PCDH15: variants seen among roughly 807,000 people sequenced by gnomAD.
The protein encoded by PCDH15 is protocadherin related 15, also known as protocadherin-15.
In PCDH15, 129 loss-of-function variants were observed where a neutral mutation model predicts 178.5. That is an observed-to-expected ratio of 0.72 (90% CI 0.63 to 0.84). The LOEUF is 0.84. PCDH15 is among the 40% of genes least tolerant of loss of function. The pLI is 0.00. For synonymous variants in PCDH15, 800 were observed against 732.0 expected (o/e 1.09, Z -1.50); for missense variants, 2,230 against 2,099.9 (o/e 1.06, Z -1.21).
chr10:54,037,673 T>C (rs2093447899), intron 18 of PCDH15, among the ~76,000 whole-genome samples: 2 of 151,990 alleles, frequency 1.3e-5, no homozygotes, highest in African/African-American at 2.4e-5. Flanking sequence ...GCTGTATTAC[T>C]GTGGTCTGGA....
In PCDH15 at chr10:55,202,611, G is replaced by A. The variant is rs556812420; in HGVS notation, c.-155-35960C>T. 1.2e-4 allele frequency among the ~76,000 whole-genome samples: 18 copies of A among 152,224 alleles called. No individual in the cohort carries two copies. The South Asian group carries it at 3.7e-3, about 32-fold the overall frequency. ...AAAGAGACAAATGGACACTCTCCTT[G>A]TTTGCGTTCATTTCTTGTCCATGTC... On this transcript the variant is annotated intron_variant, in intron 1 of 5. Transcript: ENST00000458638.
chr10:53,905,180 G>A (rs745788360), intron 25 of PCDH15: 1 of 518,830 alleles, frequency 1.9e-6, no homozygotes, highest in Non-Finnish European at 3.8e-6. Flanking sequence ...ACTTAAGTCT[G>A]TTGTTGTCTC....
At chr10:54,391,047 C>T (rs1950493161) in intron 3 of PCDH15, among the ~76,000 whole-genome samples, 3 of 152,206 alleles carry the variant, frequency 2.0e-5, no homozygotes, top group African/African-American at 7.2e-5. Context: ...CTTCTGTTTC[C>T]CCATGTGCTC....
At chr10:55,465,939 G>A (rs1839822752) in intron 2 of PCDH15, among the ~76,000 whole-genome samples, 1 of 152,028 alleles carries the variant, frequency 6.6e-6, no homozygotes. Context: ...TTTCTGAGGG[G>A]AAAAAACTTG....
chr10:55,401,784 A>G (rs1006412302), intron 2 of PCDH15, among the ~76,000 whole-genome samples: 2 of 152,016 alleles, frequency 1.3e-5, no homozygotes, highest in Non-Finnish European at 1.5e-5. Flanking sequence ...ATTTAGACAA[A>G]ACATATTGAT....
At chr10:54,906,834 C>G (rs1484564093) in intron 2 of PCDH15, among the ~76,000 whole-genome samples, 3 of 152,096 alleles carry the variant, frequency 2.0e-5, no homozygotes, top group Non-Finnish European at 4.4e-5. Context: ...CAGTGTCTCC[C>G]TAGGAATTTC....
intron 2 of PCDH15, among the ~76,000 whole-genome samples, chr10:55,349,959 C>A (rs1307674572): frequency 6.6e-6 from 1 of 151,600 alleles, no homozygotes; most frequent in East Asian, 1.9e-4. Context: ...GTATAATAAT[C>A]CATTCCATGA....
At chr10:55,514,986 GA>G (rs1840976853) in intron 2 of PCDH15, among the ~76,000 whole-genome samples, 2 of 117,050 alleles carry the variant, frequency 1.7e-5, no homozygotes, top group Non-Finnish European at 3.6e-5. Context: ...TAGATAGATA[GA>G]TTTTTTTTTT....
At chr10:55,029,972 G>C (rs10825442) in intron 2 of PCDH15, among the ~76,000 whole-genome samples, 69,666 of 151,844 alleles carry the variant, frequency 0.46, 17,860 homozygotes, top group East Asian at 0.75. Context: ...ATTTCAAAGA[G>C]GTGAATAAAA....
At chr10:55,532,663 C>A (rs1409210248) in intron 2 of PCDH15, among the ~76,000 whole-genome samples, 4 of 151,970 alleles carry the variant, frequency 2.6e-5, no homozygotes, top group Non-Finnish European at 5.9e-5. Flanking sequence ...AGCCAATGGG[C>A]AGTTCTAGTG....
intron 18 of PCDH15, 54 bp downstream of exon 18, chr10:54,066,703 A>G: frequency 1.3e-6 from 2 of 1,560,630 alleles, no homozygotes; most frequent in Non-Finnish European, 8.8e-7. Flanking sequence ...AAATGTAATA[A>G]ACTTACACTC....
At chr10:54,074,943 C>A (rs1030705330) in intron 17 of PCDH15, among the ~76,000 whole-genome samples, 7 of 151,998 alleles carry the variant, frequency 4.6e-5, no homozygotes, top group Non-Finnish European at 7.4e-5. Context: ...TCATTGTGGC[C>A]TTGATTTGCA....
chr10:53,927,259 A>G (rs1049956445), intron 25 of PCDH15, among the ~76,000 whole-genome samples: 1 of 152,112 alleles, frequency 6.6e-6, no homozygotes, highest in Non-Finnish European at 1.5e-5. Flanking sequence ...CAAAGATAAT[A>G]AGTAATATCT....
chr10:54,525,989 C>T (rs1297977557), intron 3 of PCDH15, among the ~76,000 whole-genome samples: 1 of 152,088 alleles, frequency 6.6e-6, no homozygotes, highest in Non-Finnish European at 1.5e-5. Flanking sequence ...ACTTAAATAA[C>T]TCTGGCAGCT....
intron 1 of PCDH15, among the ~76,000 whole-genome samples, chr10:54,682,490 G>T (rs979068340): frequency 6.6e-6 from 1 of 152,042 alleles, no homozygotes; most frequent in South Asian, 2.1e-4. Flanking sequence ...TTATATAATG[G>T]CATTTATTGC....
chr10:55,289,076 T>C (rs1475585582), intron 1 of PCDH15, among the ~76,000 whole-genome samples: 2 of 152,044 alleles, frequency 1.3e-5, no homozygotes, highest in Non-Finnish European at 1.5e-5. Context: ...AAATGAAATG[T>C]CATTATTTGC....
chr10:55,207,311 C>G (rs1340592747), intron 1 of PCDH15, among the ~76,000 whole-genome samples: 1 of 152,032 alleles, frequency 6.6e-6, no homozygotes, highest in Non-Finnish European at 1.5e-5. Flanking sequence ...TTACATTACA[C>G]TCTCCCCTAA....
chr10:54,948,461 A>G (rs1029842193), intron 2 of PCDH15, among the ~76,000 whole-genome samples: 2 of 152,004 alleles, frequency 1.3e-5, no homozygotes, highest in South Asian at 4.1e-4. Context: ...AATATCCAGG[A>G]CAGCTAATGA....
chr10:55,350,254 TATATATATATATATACAC>T (rs1412036111), intron 2 of PCDH15, among the ~76,000 whole-genome samples: 45 of 66,066 alleles, frequency 6.8e-4, no homozygotes, highest in African/African-American at 2.3e-3. Context: ...TATATATATA[TATATATATATATATACAC>T]ACACACACAC....
Sources: allele counts gnomAD v4.1 joint callset (sites outside exome capture counted in the v4.1 genomes callset), GRCh38; gene constraint gnomAD v4.1.1; transcripts MANE v1.5; gene names NCBI Gene and HGNC (gene_info 2026-07-23, HGNC 2026-07-21).